DST: variants seen among roughly 807,000 people sequenced by gnomAD.
DST encodes the protein dystonin, also known as bullous pemphigoid antigen.
Under a neutral mutation model 875.2 loss-of-function variants are expected in DST, and 253 were observed. The observed-to-expected ratio is 0.29, with a 90% CI of 0.26 to 0.32. The LOEUF (loss-of-function observed/expected upper bound fraction) is 0.32, where lower values mean the gene tolerates loss of function less well. Ranked by LOEUF, DST falls within the 10% of genes least tolerant of loss-of-function variation. The pLI, the probability that DST is intolerant of heterozygous loss-of-function variation, is 1.00. For synonymous variants in DST, 3,124 were observed against 3,197.1 expected (o/e 0.98, Z 0.77); for missense variants, 8,287 against 9,111.6 (o/e 0.91, Z 3.68).
chr6:56,516,317 A>C (rs1244239247), intron 71 of DST, among the ~76,000 whole-genome samples: 1 of 152,166 alleles, frequency 6.6e-6, no homozygotes, highest in Non-Finnish European at 1.5e-5. Context: ...TAATAGCAGA[A>C]GAAGATAAAG....
intron 4 of DST, among the ~76,000 whole-genome samples, chr6:56,839,888 G>A (rs2099797957): frequency 6.6e-6 from 1 of 152,112 alleles, no homozygotes; most frequent in Non-Finnish European, 1.5e-5. Context: ...AGGGGGTGAG[G>A]GGGTGGAGTG....
At chr6:56,930,164 C>G (rs537096889) in intron 2 of DST, among the ~76,000 whole-genome samples, 33 of 152,354 alleles carry the variant, frequency 2.2e-4, no homozygotes, top group Non-Finnish European at 4.6e-4. Context: ...GACCTCTGGC[C>G]TCATCTTGTA....
intron 49 of DST, among the ~76,000 whole-genome samples, chr6:56,589,842 G>T (rs981006355): frequency 6.6e-6 from 1 of 152,188 alleles, no homozygotes; most frequent in African/African-American, 2.4e-5. Flanking sequence ...TTGGCCAAAA[G>T]CATTTCAAAT....
chr6:56,654,998 TAA>T (rs2098998611), intron 10 of DST, among the ~76,000 whole-genome samples: 1 of 151,436 alleles, frequency 6.6e-6, no homozygotes, highest in South Asian at 2.1e-4. Context: ...CTGTCTCCAC[TAA>T]AAATACAAAA....
rs1182535924 is a variant in DST at position 56,501,188 on chromosome 6, G to A, written c.19788C>T (p.Ala6596=). ...TCAGCCATGCCAGGAGCTCATCCAG[G>A]GCATGTTGGAACTGACCCAAGGCTA... The part of the protein sequence containing the change: ...ALLALGQFQH[A]LDELLAWLTH... Residue 6596 remains alanine (A), a synonymous_variant, in exon 80 of 104, where the codon GCC becomes GCT. Coordinates refer to ENST00000680361, the MANE Select transcript of DST (RefSeq NM_001374736.1). 2 of 1,611,830 alleles carry A rather than the reference G, an allele frequency of 1.2e-6. No individual in the cohort carries two copies. The highest frequency in any genetic ancestry group is 1.1e-5 in the South Asian group (1 of 90,768).
chr6:56,589,897 T>A (rs1354830746), intron 49 of DST, among the ~76,000 whole-genome samples: 1 of 152,206 alleles, frequency 6.6e-6, no homozygotes, highest in Non-Finnish European at 1.5e-5. Flanking sequence ...TTATGATTCA[T>A]CAGAATATAA....
Position 56,605,486 on chromosome 6 carries a change from T to C in DST, c.9142A>G (p.Thr3048Ala). Residue 3048 changes from threonine (T) to alanine (A), a missense_variant, in exon 40 of 104, where the codon ACA becomes GCA. Around this residue, in one of 10 missense-constraint regions of DST, gnomAD observed 3,138 missense variants for 3,116.6 expected, o/e 1.01. Coordinates refer to ENST00000680361, the MANE Select transcript of DST (RefSeq NM_001374736.1). Reference protein sequence around the residue: ...GKSDILIEDETSIQKMYLGEG... With the variant: ...GKSDILIEDEASIQKMYLGEG... ...CCCAAGTACATTTTCTGAATTGATG[T>C]TTCATCTTCTATTAGAATATCACTT... 1 of 1,612,968 alleles carries C rather than the reference T, an allele frequency of 6.2e-7. No homozygotes were observed. The highest frequency in any genetic ancestry group is 8.5e-7 in the Non-Finnish European group (1 of 1,179,312).
rs374575683 is a variant in DST, at chr6:56,553,004, C to G, written c.15788G>C (p.Ser5263Thr). 1 of 1,613,954 alleles carries G rather than the reference C, an allele frequency of 6.2e-7. No homozygotes were observed. Among genetic ancestry groups the G allele is most frequent in the East Asian group, 2.2e-5 (1 of 44,888 alleles). Residue 5263 changes from serine (S) to threonine (T), a missense_variant, in exon 61 of 104, where the codon AGT becomes ACT. Ser to Thr is a moderately conservative substitution (Grantham distance 58). Around this residue, in one of 10 missense-constraint regions of DST, gnomAD observed 1,513 missense variants for 1,677.8 expected, o/e 0.90. Coordinates refer to ENST00000680361, the MANE Select transcript of DST (RefSeq NM_001374736.1). ...CATGTTCTCCAGACAGAATTTCTTA[C>G]TGTGAAGTTGTTCAGTGACCATGTC... Reference protein sequence around the residue: ...KVDMVTEQLHSKKFCLENMTQ... With the variant: ...KVDMVTEQLHTKKFCLENMTQ...
chr6:56,574,484 G>T (rs2097834388), intron 50 of DST, among the ~76,000 whole-genome samples: 1 of 151,976 alleles, frequency 6.6e-6, no homozygotes, highest in South Asian at 2.1e-4. Context: ...TAAGAAAACA[G>T]GCAACAATGA....
At chr6:56,877,605 T>C (rs531204890) in intron 3 of DST, among the ~76,000 whole-genome samples, 28 of 152,298 alleles carry the variant, frequency 1.8e-4, no homozygotes, top group Admixed American at 5.2e-4. Flanking sequence ...TTTTATGGGA[T>C]CTGTGGCACA....
chr6:56,473,285 T>A (rs539114120), intron 93 of DST, among the ~76,000 whole-genome samples: 3 of 152,318 alleles, frequency 2.0e-5, no homozygotes, highest in African/African-American at 4.8e-5. Flanking sequence ...AATTAAAAAA[T>A]TAAGTAATAC....
intron 22 of DST, among the ~76,000 whole-genome samples, chr6:56,638,284 T>A (rs2098845124): frequency 1.3e-5 from 2 of 152,066 alleles, no homozygotes. Flanking sequence ...TCCATTACTC[T>A]CCTTTCCCTA....
intron 2 of DST, among the ~76,000 whole-genome samples, chr6:56,934,635 A>G (rs886141830): frequency 2.8e-5 from 4 of 144,760 alleles, no homozygotes; most frequent in South Asian, 2.2e-4. Flanking sequence ...AGAATATGAC[A>G]TGGAGAGAGA....
At chr6:56,499,159 T>G (rs1247681430) in intron 80 of DST, among the ~76,000 whole-genome samples, 1 of 152,154 alleles carries the variant, frequency 6.6e-6, no homozygotes, top group East Asian at 1.9e-4. Flanking sequence ...CTTTACTCAT[T>G]GACTCAGTGT....
intron 27 of DST, 146 bp downstream of exon 27, chr6:56,633,986 A>G: frequency 1.0e-6 from 1 of 970,988 alleles, no homozygotes; most frequent in African/African-American, 1.6e-5. Flanking sequence ...CTATGGGCAT[A>G]TAACAAATAT....
intron 10 of DST, among the ~76,000 whole-genome samples, chr6:56,666,348 A>G (rs1383181608): frequency 1.3e-5 from 2 of 152,200 alleles, no homozygotes; most frequent in Admixed American, 6.5e-5. Context: ...TTTCAGATCA[A>G]TATTTCTAAA....
In DST at chr6:56,886,952, T is replaced by G. The variant is rs192710958; in HGVS notation, c.417+13469A>C. Among the ~76,000 whole-genome samples, 275 of 152,144 alleles carry G rather than the reference T, an allele frequency of 1.8e-3. 11 individuals are homozygous for G. The highest frequency in any genetic ancestry group is 0.015 in the Admixed American group (234 of 15,278). On this transcript the variant is annotated intron_variant, in intron 3 of 103. Coordinates refer to ENST00000680361, the MANE Select transcript of DST (RefSeq NM_001374736.1). ...ATAAAGAGAGAGAGACAGAAAATAT[T>G]GAGAGAAATCAGACCCTTATCACTC...
At chr6:56,518,110 A>T (rs1183260842) in intron 69 of DST, among the ~76,000 whole-genome samples, 2 of 152,210 alleles carry the variant, frequency 1.3e-5, no homozygotes, top group African/African-American at 4.8e-5. Context: ...GTGTAAATAT[A>T]CATCTCTATA....
Position 56,493,092 on chromosome 6 carries a change from G to A in DST, c.20395-3C>T. 1 of 1,607,684 alleles carries A rather than the reference G, an allele frequency of 6.2e-7. No homozygotes were observed. The highest frequency in any genetic ancestry group is 8.5e-7 in the Non-Finnish European group (1 of 1,176,634). The stretch of plus-strand genomic sequence containing the variant: ...TTGAGAGCCTCTTCCAGTTTAGTCT[G>A]CAAGGACAGATTGTTTAGTATGTGA... On this transcript the variant is annotated splice_polypyrimidine_tract_variant and splice_region_variant and intron_variant, in intron 83 of 103. Transcript: ENST00000680361.
Sources: gnomAD v4.1 joint callset for allele counts (sites outside exome capture counted in the v4.1 genomes callset) on GRCh38, gnomAD v4.1.1 for gene constraint, gnomAD v4.1.1 regional missense constraint, MANE v1.5 for transcripts, NCBI Gene and HGNC (gene_info 2026-07-23, HGNC 2026-07-21) for gene names.